TMEM132B: variants seen among roughly 807,000 people sequenced by gnomAD.
TMEM132B encodes the protein transmembrane protein 132B.
TMEM132B carries 18 observed loss-of-function variants against 90.8 expected under a neutral mutation model. That is an observed-to-expected ratio of 0.20 (90% confidence interval 0.14 to 0.29). The LOEUF is 0.29. TMEM132B is among the 10% of genes least tolerant of loss of function. The pLI, the probability that TMEM132B is intolerant of heterozygous loss-of-function variation, is 1.00. For synonymous variants in TMEM132B, 504 were observed against 523.3 expected (o/e 0.96, Z 0.50); for missense variants, 1,096 against 1,326.8 (o/e 0.83, Z 2.70).
chr12:125,230,861 T>A (rs1873804253), intron 1 of TMEM132B, among the ~76,000 whole-genome samples: 1 of 152,102 alleles, frequency 6.6e-6, no homozygotes, highest in Non-Finnish European at 1.5e-5. Context: ...CCTGCAACAG[T>A]GAAGATAAAG....
Position 125,633,561 on chromosome 12 carries a change from T to C in TMEM132B, c.1438-10515T>C, listed in dbSNP as rs148428535. ...ACTGCCTGGGCATGTTTGTACCTGTTCTTTTTGGGAAGGCTTTCCAGGTAT... is the reference window on the plus strand; with the variant it reads ...ACTGCCTGGGCATGTTTGTACCTGTCCTTTTTGGGAAGGCTTTCCAGGTAT... On this transcript the variant is annotated intron_variant, in intron 5 of 8. Coordinates refer to ENST00000682704, the MANE Select transcript of TMEM132B (RefSeq NM_001366854.1). Among the ~76,000 whole-genome samples the C allele has an allele frequency of 1.7e-3, 257 of 152,366 alleles. 2 individuals are homozygous for C. Among genetic ancestry groups the C allele is most frequent in the African/African-American group, 6.0e-3 (249 of 41,594 alleles).
At position 125,458,593 on chromosome 12, in the gene TMEM132B, C is replaced by G. The variant is rs1881356982; in HGVS notation, c.1106+42916C>G. ...ATGTTGAGAGCAGCCAGGTGGAGATCAGATCACACATGGAGCTGGCTCAGG... is the reference window on the plus strand; with the variant it reads ...ATGTTGAGAGCAGCCAGGTGGAGATGAGATCACACATGGAGCTGGCTCAGG... On this transcript the variant is annotated intron_variant, in intron 3 of 8. Transcript: ENST00000682704. The surrounding 1 kb of genome is among the most constrained non-coding windows in gnomAD (Gnocchi z 4.9). Among the ~76,000 whole-genome samples the G allele has an allele frequency of 6.6e-6, 1 of 152,130 alleles. No individual in the cohort carries two copies. The highest frequency in any genetic ancestry group is 2.1e-4 in the South Asian group (1 of 4,832).
At chr12:125,493,945 C>T (rs2136567024) in intron 3 of TMEM132B, among the ~76,000 whole-genome samples, 1 of 142,612 alleles carries the variant, frequency 7.0e-6, no homozygotes, top group East Asian at 2.2e-4. Flanking sequence ...TGTTCCTCCT[C>T]CCCCTCCTCC....
chr12:125,469,105 C>T (rs1881646645), intron 3 of TMEM132B, among the ~76,000 whole-genome samples: 1 of 152,126 alleles, frequency 6.6e-6, no homozygotes, highest in African/African-American at 2.4e-5. Context: ...CTTGGACTCC[C>T]AGTACTTTGT....
chr12:125,225,316 G>T (rs774204069), intron 1 of TMEM132B, among the ~76,000 whole-genome samples: 9 of 152,236 alleles, frequency 5.9e-5, no homozygotes, highest in Non-Finnish European at 1.2e-4. Flanking sequence ...GGCCCAGTGA[G>T]AAATGAAAAT....
intron 8 of TMEM132B, among the ~76,000 whole-genome samples, chr12:125,653,222 T>C (rs1886972775): frequency 6.6e-6 from 1 of 152,246 alleles, no homozygotes; most frequent in Admixed American, 6.5e-5. Flanking sequence ...TCTTGAGCAG[T>C]AGCCTGATTT....
chr12:125,314,385 C>A (rs964592730), intron 1 of TMEM132B, among the ~76,000 whole-genome samples: 1 of 152,230 alleles, frequency 6.6e-6, no homozygotes, highest in Admixed American at 6.5e-5. Context: ...GAGGCTCTTT[C>A]TTTCCTTCTT....
chr12:125,216,028 G>T (rs1873430153), intron 1 of TMEM132B, among the ~76,000 whole-genome samples: 1 of 152,236 alleles, frequency 6.6e-6, no homozygotes, highest in Non-Finnish European at 1.5e-5. Context: ...CCCTTCTTAA[G>T]AATCTCTCTG....
chr12:125,537,031 A>G (rs760955342), intron 4 of TMEM132B, among the ~76,000 whole-genome samples: 2 of 152,102 alleles, frequency 1.3e-5, no homozygotes, highest in African/African-American at 2.4e-5. Flanking sequence ...GGATGGAAAC[A>G]TTGTTGATTA....
At chr12:125,487,039 G>A (rs1882222227) in intron 3 of TMEM132B, among the ~76,000 whole-genome samples, 1 of 152,152 alleles carries the variant, frequency 6.6e-6, no homozygotes, top group Non-Finnish European at 1.5e-5. Context: ...TTTGACTGTG[G>A]AAGCTCTCAT....
intron 5 of TMEM132B, among the ~76,000 whole-genome samples, chr12:125,627,314 TC>T (rs1886256514): frequency 1.3e-5 from 2 of 152,120 alleles, no homozygotes; most frequent in Non-Finnish European, 2.9e-5. Context: ...TGATTTTTTT[TC>T]TCCCTGGGGG....
intron 1 of TMEM132B, among the ~76,000 whole-genome samples, chr12:125,273,623 G>A (rs1400938522): frequency 6.6e-6 from 1 of 152,014 alleles, no homozygotes; most frequent in African/African-American, 2.4e-5. Flanking sequence ...TTTTACATAG[G>A]GTAAAAGGGT....
intron 1 of TMEM132B, among the ~76,000 whole-genome samples, chr12:125,284,540 T>C (rs1875293746): frequency 6.6e-6 from 1 of 152,194 alleles, no homozygotes; most frequent in Non-Finnish European, 1.5e-5. Flanking sequence ...ACCTGAACTT[T>C]ATATCTTCAA....
rs533889748 is a variant in TMEM132B, at chr12:125,617,837, G to T, written c.1438-26239G>T. ...GGGTAGTGTTTGAGGCGTCTCTGAG[G>T]TTTGTCCAGACCCCAGGAGAGCTCT... On this transcript the variant is annotated intron_variant, in intron 5 of 8. Transcript: ENST00000682704. Among the ~76,000 whole-genome samples, 11 of 152,078 alleles carry T rather than the reference G, an allele frequency of 7.2e-5. No homozygotes were observed. The South Asian group carries it at 2.3e-3, about 32-fold the overall frequency.
At chr12:125,532,664 G>A (rs564616726) in intron 4 of TMEM132B, among the ~76,000 whole-genome samples, 54 of 152,004 alleles carry the variant, frequency 3.6e-4, no homozygotes, top group Non-Finnish European at 4.3e-4. Flanking sequence ...ATAGGTGTGC[G>A]CCACCATGCC....
chr12:125,286,532 ATATT>A (rs1875361539), intron 1 of TMEM132B, among the ~76,000 whole-genome samples: 2 of 151,990 alleles, frequency 1.3e-5, no homozygotes, highest in African/African-American at 2.4e-5. Context: ...AAAATAATAA[ATATT>A]AGTTTTATAT....
intron 1 of TMEM132B, among the ~76,000 whole-genome samples, chr12:125,322,996 A>G (rs1479448089): frequency 6.6e-6 from 1 of 152,172 alleles, no homozygotes; most frequent in Admixed American, 6.5e-5. Flanking sequence ...CTTAACACAC[A>G]ATTTGTCTGG....
At chr12:125,276,559 T>C (rs541222795) in intron 1 of TMEM132B, among the ~76,000 whole-genome samples, 12 of 152,318 alleles carry the variant, frequency 7.9e-5, no homozygotes, top group African/African-American at 2.6e-4. Flanking sequence ...CAAGGCTGAA[T>C]GGCTGGAGTG....
chr12:125,287,769 A>T (rs956708840), intron 1 of TMEM132B, among the ~76,000 whole-genome samples: 2 of 147,296 alleles, frequency 1.4e-5, no homozygotes, highest in Admixed American at 1.3e-4. Context: ...CCTTCTAAAA[A>T]ATACTAGGGA....
Sources: gnomAD v4.1 joint callset for allele counts (sites outside exome capture counted in the v4.1 genomes callset) on GRCh38, gnomAD v4.1.1 for gene constraint, Gnocchi (gnomAD v3.1) non-coding constraint, MANE v1.5 for transcripts, NCBI Gene and HGNC (gene_info 2026-07-23, HGNC 2026-07-21) for gene names.